CDKL4: variants seen among roughly 807,000 people sequenced by gnomAD.
CDKL4 encodes the protein cyclin-dependent kinase-like 4.
CDKL4 carries 44 observed loss-of-function variants against 42.0 expected under a neutral mutation model. The ratio of observed to expected loss-of-function variants is 1.05; its 90% CI spans 0.82 to 1.35. CDKL4 has a LOEUF of 1.35. Ranked by LOEUF, CDKL4 falls within the 40% of genes most tolerant of loss-of-function variation. CDKL4 has a pLI of 0.00. For missense variants in CDKL4, 393 were observed against 369.9 expected (o/e 1.06, Z -0.51); for synonymous variants, 120 against 121.6 (o/e 0.99, Z 0.09).
intron 7 of CDKL4, 61 bp from the exon 8 acceptor site, chr2:39,184,708 A>G: frequency 9.3e-7 from 1 of 1,079,270 alleles, no homozygotes; most frequent in Non-Finnish European, 1.4e-6. Context: ...GTGTGTGTAT[A>G]TATGTGCGTA....
intron 9 of CDKL4, among the ~76,000 whole-genome samples, chr2:39,178,142 C>T (rs1253403221): frequency 6.6e-6 from 1 of 152,032 alleles, no homozygotes; most frequent in African/African-American, 2.4e-5. Flanking sequence ...GTAAAATGGC[C>T]CATGTAATCA....
At chr2:39,174,714 G>A (rs546722979), downstream of CDKL4, among the ~76,000 whole-genome samples, 11 of 152,134 alleles carry the variant, frequency 7.2e-5, no homozygotes, top group Non-Finnish European at 1.6e-4. Context: ...TTCCTGATAG[G>A]AATATCACTG....
At chr2:39,215,421 G>C (rs936079399) in intron 3 of CDKL4, among the ~76,000 whole-genome samples, 2 of 152,046 alleles carry the variant, frequency 1.3e-5, no homozygotes, top group African/African-American at 4.8e-5. Flanking sequence ...AGTGTTGTTT[G>C]TCTTTCAGCC....
Position 39,208,334 on chromosome 2 carries a change from T to G in CDKL4, c.364-3717A>C, listed in dbSNP as rs192160250. ...AATAAAATAATTTTAATAAGTTGAG[T>G]TTTATACACAGCTTTTTTTTTTTTG... On this transcript the variant is annotated intron_variant, in intron 4 of 9. Coordinates refer to ENST00000451199, the Ensembl canonical transcript of CDKL4. Among the ~76,000 whole-genome samples the G allele has an allele frequency of 1.0e-3, 151 of 151,642 alleles. 1 individual carries two copies. The highest frequency in any genetic ancestry group is 3.4e-3 in the African/African-American group (141 of 41,348).
At chr2:39,172,512 C>G (rs1214395547), downstream of CDKL4, among the ~76,000 whole-genome samples, 4 of 152,142 alleles carry the variant, frequency 2.6e-5, no homozygotes, top group Non-Finnish European at 5.9e-5. Flanking sequence ...CAGGCAGCAG[C>G]AATGCTATGC....
chr2:39,218,943 T>C lies in CDKL4; in HGVS notation c.291-5471A>G, dbSNP rs80010004. On this transcript the variant is annotated intron_variant, in intron 3 of 9. Transcript: ENST00000451199. ...ATGTATCCCACTGGTTTTGTTTCTC[T>C]GAAGAACCTTGACTAATACACCTCC... Among the ~76,000 whole-genome samples, 1,176 of 152,334 alleles carry C rather than the reference T, an allele frequency of 7.7e-3. 16 individuals carry two copies. The highest frequency in any genetic ancestry group is 0.027 in the African/African-American group (1,130 of 41,562).
intron 3 of CDKL4, among the ~76,000 whole-genome samples, chr2:39,217,355 G>GACAA (rs1203769047): frequency 1.9e-4 from 29 of 152,268 alleles, no homozygotes; most frequent in African/African-American, 6.5e-4. Context: ...AACAAGATAG[G>GACAA]GTAACATGAT....
chr2:39,211,545 T>C (rs1677587779), intron 4 of CDKL4, among the ~76,000 whole-genome samples: 1 of 151,872 alleles, frequency 6.6e-6, no homozygotes, highest in African/African-American at 2.4e-5. Context: ...TCCAGCCACC[T>C]CTCCCCAAAA....
At chr2:39,208,701 C>CT (rs761337117) in intron 4 of CDKL4, among the ~76,000 whole-genome samples, 4,001 of 101,896 alleles carry the variant, frequency 0.039, 52 homozygotes, top group Non-Finnish European at 0.044. Context: ...GACGGGCAAT[C>CT]TTTTTTTTTT....
intron 6 of CDKL4, among the ~76,000 whole-genome samples, chr2:39,188,255 C>A (rs28638328): frequency 1.3e-4 from 20 of 151,948 alleles, no homozygotes; most frequent in African/African-American, 4.4e-4. Flanking sequence ...CATGTGGTCA[C>A]CATTCAGCCT....
intron 3 of CDKL4, among the ~76,000 whole-genome samples, chr2:39,217,845 T>C (rs1678030015): frequency 1.3e-5 from 2 of 152,160 alleles, no homozygotes; most frequent in African/African-American, 4.8e-5. Flanking sequence ...GCGATTCTCC[T>C]GCCTCAGCCT....
At chr2:39,169,576 A>C in the CDKL4 span, among the ~76,000 whole-genome samples, 1 of 152,234 alleles carries the variant, frequency 6.6e-6, no homozygotes, top group Non-Finnish European at 1.5e-5. Flanking sequence ...TGTGCCATAG[A>C]GAATCACAGA....
At chr2:39,171,646 G>A (rs1028885091), downstream of CDKL4, among the ~76,000 whole-genome samples, 1 of 152,150 alleles carries the variant, frequency 6.6e-6, no homozygotes, top group Non-Finnish European at 1.5e-5. Flanking sequence ...CTAAGAATAG[G>A]CAAAGTCTGC....
chr2:39,211,559 G>A (rs1677588209), intron 4 of CDKL4, among the ~76,000 whole-genome samples: 1 of 151,980 alleles, frequency 6.6e-6, no homozygotes, highest in Non-Finnish European at 1.5e-5. Flanking sequence ...CCCAAAACTT[G>A]TCATTGTTGC....
intron 1 of CDKL4, among the ~76,000 whole-genome samples, chr2:39,233,657 C>T (rs1679206519): frequency 6.6e-6 from 1 of 151,722 alleles, no homozygotes; most frequent in Non-Finnish European, 1.5e-5. Context: ...AAAGCCGTCC[C>T]CATACATGCT....
intron 5 of CDKL4, among the ~76,000 whole-genome samples, chr2:39,196,594 A>T (rs142523980): frequency 2.3e-3 from 350 of 152,098 alleles, no homozygotes; most frequent in African/African-American, 8.1e-3. Flanking sequence ...CAATCCAGTA[A>T]CATGATGACA....
chr2:39,185,223 TAC>T (rs1553380958), intron 7 of CDKL4, among the ~76,000 whole-genome samples: 2 of 22,462 alleles, frequency 8.9e-5, no homozygotes. Flanking sequence ...TATACATATA[TAC>T]ACATACGTAT....
chr2:39,216,135 A>G (rs918059798), intron 3 of CDKL4, among the ~76,000 whole-genome samples: 4 of 152,086 alleles, frequency 2.6e-5, no homozygotes, highest in African/African-American at 7.2e-5. Flanking sequence ...TGCACCTTCA[A>G]TTTTCCTCAT....
upstream of CDKL4, among the ~76,000 whole-genome samples, chr2:39,246,795 G>A (rs1339240597): frequency 6.6e-6 from 1 of 151,968 alleles, no homozygotes; most frequent in Non-Finnish European, 1.5e-5. Context: ...CTAGGCTAAA[G>A]TGCAGTGTCA....
Sources: gnomAD v4.1 joint callset for allele counts (sites outside exome capture counted in the v4.1 genomes callset) on GRCh38, gnomAD v4.1.1 for gene constraint, MANE v1.5 for transcripts, NCBI Gene and HGNC (gene_info 2026-07-23, HGNC 2026-07-21) for gene names.